The following MAGI2 variants were observed in gnomAD, a reference collection of about 807,000 sequenced individuals.
MAGI2 encodes membrane associated guanylate kinase, WW and PDZ domain containing 2.
In MAGI2, 35 loss-of-function variants were observed where a neutral mutation model predicts 133.3. The ratio of observed to expected loss-of-function variants is 0.26; its 90% CI spans 0.20 to 0.35. MAGI2 has a LOEUF of 0.35. Ranked by LOEUF, MAGI2 falls within the 10% of genes least tolerant of loss-of-function variation. The pLI, the probability that MAGI2 is intolerant of heterozygous loss-of-function variation, is 1.00. For synonymous variants in MAGI2, 729 were observed against 710.6 expected, an observed-to-expected ratio of 1.03 and a Z score of -0.41; for missense variants, 1,636 against 1,863.4, an observed-to-expected ratio of 0.88 and a Z score of 2.25.
At chr7:79,231,053 CT>C (rs1361136949) in intron 1 of MAGI2, among the ~76,000 whole-genome samples, 2 of 135,120 alleles carry the variant, frequency 1.5e-5, no homozygotes, top group African/African-American at 5.4e-5. Context: ...ATAGGGAATC[CT>C]TTCCCCATTG....
At chr7:79,320,934 G>A (rs1423356798) in intron 1 of MAGI2, among the ~76,000 whole-genome samples, 2 of 152,036 alleles carry the variant, frequency 1.3e-5, no homozygotes, top group Non-Finnish European at 2.9e-5. Flanking sequence ...AACAAAAACT[G>A]CTTTGAAACA....
rs530312176 is a variant in MAGI2 at position 78,424,611 on chromosome 7, G to A, written c.1046-55398C>T. Among the ~76,000 whole-genome samples, 16 of 152,280 alleles carry A rather than the reference G, an allele frequency of 1.1e-4. No homozygotes were observed. The South Asian group carries it at 3.1e-3, about 30-fold the overall frequency. ...CACCAGCCCATTAAAGCAGCCAGGA[G>A]GGAGGCTGTACCCTGCAAAGCCATA... On this transcript the variant is annotated intron_variant, in intron 6 of 21. Transcript: ENST00000354212.
intron 1 of MAGI2, among the ~76,000 whole-genome samples, chr7:79,404,439 G>T (rs1210101459): frequency 6.6e-6 from 1 of 152,006 alleles, no homozygotes; most frequent in African/African-American, 2.4e-5. Context: ...GGCTTCAAAT[G>T]GTCCTCCTGC....
intron 2 of MAGI2, among the ~76,000 whole-genome samples, chr7:78,786,501 C>T (rs541834573): frequency 1.3e-5 from 2 of 152,200 alleles, no homozygotes; most frequent in African/African-American, 2.4e-5. Flanking sequence ...TAAGCCCCCA[C>T]CTCTCTGAAC....
intron 2 of MAGI2, among the ~76,000 whole-genome samples, chr7:78,788,960 C>G (rs537871000): frequency 6.6e-6 from 1 of 152,100 alleles, no homozygotes; most frequent in African/African-American, 2.4e-5. Flanking sequence ...TCTCCTGGGT[C>G]GCTGTCCAGA....
chr7:78,748,562 T>C (rs1823145588), intron 2 of MAGI2, among the ~76,000 whole-genome samples: 1 of 152,222 alleles, frequency 6.6e-6, no homozygotes, highest in Admixed American at 6.5e-5. Context: ...ATAAATCCTA[T>C]GTTATTTGTG....
intron 1 of MAGI2, among the ~76,000 whole-genome samples, chr7:79,100,157 T>A (rs1230382412): frequency 6.6e-6 from 1 of 151,978 alleles, no homozygotes; most frequent in East Asian, 1.9e-4. Flanking sequence ...AGTTGCTACT[T>A]TTTTTTAGGT....
At chr7:78,178,684 T>G (rs988360958) in intron 13 of MAGI2, among the ~76,000 whole-genome samples, 20 of 152,104 alleles carry the variant, frequency 1.3e-4, no homozygotes, top group African/African-American at 4.8e-4. Flanking sequence ...AATTTAAACT[T>G]TCTTGTATTG....
intron 7 of MAGI2, among the ~76,000 whole-genome samples, chr7:78,360,972 G>C (rs76999936): frequency 0.054 from 8,211 of 152,258 alleles, 323 homozygotes; most frequent in South Asian, 0.096. Context: ...CAGGGTCTGT[G>C]TACTGCACAC....
chr7:78,687,433 A>G (rs1816439213), intron 2 of MAGI2, among the ~76,000 whole-genome samples: 1 of 152,170 alleles, frequency 6.6e-6, no homozygotes, highest in Non-Finnish European at 1.5e-5. Flanking sequence ...GTTAATTCCT[A>G]AAAATTGGAA....
At chr7:79,102,744 T>C (rs1818093607) in intron 1 of MAGI2, among the ~76,000 whole-genome samples, 2 of 152,200 alleles carry the variant, frequency 1.3e-5, no homozygotes, top group Admixed American at 6.5e-5. Context: ...TTAATTACTT[T>C]AGAAAGAAAG....
intron 15 of MAGI2, among the ~76,000 whole-genome samples, chr7:78,163,176 C>T (rs555467835): frequency 3.9e-5 from 6 of 152,118 alleles, no homozygotes; most frequent in East Asian, 1.9e-4. Context: ...CTCACTCTGT[C>T]GCCCAGGCTG....
At chr7:78,279,650 T>C (rs2151007374) in intron 9 of MAGI2, among the ~76,000 whole-genome samples, 1 of 152,224 alleles carries the variant, frequency 6.6e-6, no homozygotes. Flanking sequence ...CTAACCCATG[T>C]TCCTGTGTTC....
At chr7:79,361,329 T>C (rs1346913623) in intron 1 of MAGI2, among the ~76,000 whole-genome samples, 3 of 151,898 alleles carry the variant, frequency 2.0e-5, no homozygotes, top group Non-Finnish European at 4.4e-5. Context: ...TTAAATGATA[T>C]GGAAGGAGGG....
Position 78,549,459 on chromosome 7 carries a change from A to G in MAGI2, c.539-27814T>C, listed in dbSNP as rs74395396. On this transcript the variant is annotated intron_variant, in intron 3 of 21. Transcript: ENST00000354212. ...AATCACCCGATTCCTCACAGCATCC[A>G]TCCAATCTGGAGAAGAGTCCTACTG... 4.6e-3 allele frequency among the ~76,000 whole-genome samples: 699 copies of G among 152,050 alleles called. 3 individuals are homozygous for G. Among genetic ancestry groups the G allele is most frequent in the African/African-American group, 0.016 (646 of 41,464 alleles).
chr7:78,594,481 C>CA (rs900167214), intron 3 of MAGI2, among the ~76,000 whole-genome samples: 1 of 152,026 alleles, frequency 6.6e-6, no homozygotes, highest in African/African-American at 2.4e-5. Context: ...TTTTTTGAGA[C>CA]AGAGTCTTGC....
intron 2 of MAGI2, among the ~76,000 whole-genome samples, chr7:78,945,865 G>A (rs1387678654): frequency 6.6e-6 from 1 of 151,958 alleles, no homozygotes; most frequent in Non-Finnish European, 1.5e-5. Flanking sequence ...CTTCATCTTC[G>A]GGATCTTCCT....
At chr7:79,452,266 C>A (rs1379910314) in intron 1 of MAGI2, among the ~76,000 whole-genome samples, 4 of 152,222 alleles carry the variant, frequency 2.6e-5, no homozygotes, top group Non-Finnish European at 4.4e-5. Flanking sequence ...CCGCCCAGCA[C>A]TAGACTGCGC....
chr7:78,287,159 T>C (rs1020389421), intron 9 of MAGI2, among the ~76,000 whole-genome samples: 7 of 152,162 alleles, frequency 4.6e-5, no homozygotes, highest in African/African-American at 1.7e-4. Flanking sequence ...GAATGTAAAA[T>C]AACTACTGCA....
Sources: gnomAD v4.1 joint callset for allele counts (sites outside exome capture counted in the v4.1 genomes callset) on GRCh38, gnomAD v4.1.1 for gene constraint, MANE v1.5 for transcripts, NCBI Gene and HGNC (gene_info 2026-07-23, HGNC 2026-07-21) for gene names.